The following CYP39A1 variants were observed in gnomAD, a reference collection of about 807,000 sequenced individuals.
CYP39A1 encodes cytochrome P450 family 39 subfamily A member 1.
Under a neutral mutation model 58.1 loss-of-function variants are expected in CYP39A1, and 49 were observed. That is an observed-to-expected ratio of 0.84 (90% CI 0.67 to 1.07). CYP39A1 has a LOEUF of 1.07. Ranked by LOEUF, CYP39A1 falls within the 50% of genes least tolerant of loss-of-function variation. The pLI is 0.00. For missense variants in CYP39A1, 531 were observed against 539.4 expected, an observed-to-expected ratio of 0.98 and a Z score of 0.16; for synonymous variants, 209 against 187.6, an observed-to-expected ratio of 1.11 and a Z score of -0.93.
chr6:46,557,324 C>A (rs1770711444), intron 10 of CYP39A1, among the ~76,000 whole-genome samples: 1 of 151,054 alleles, frequency 6.6e-6, no homozygotes, highest in Admixed American at 6.6e-5. Flanking sequence ...CAGATCAAGA[C>A]CCCCAAGCAG....
intron 10 of CYP39A1, among the ~76,000 whole-genome samples, chr6:46,567,717 T>A (rs1345125192): frequency 1.3e-5 from 2 of 152,120 alleles, no homozygotes; most frequent in Non-Finnish European, 2.9e-5. Flanking sequence ...AGAGGTTTTG[T>A]TTGGAATATA....
intron 10 of CYP39A1, chr6:46,583,036 C>T: frequency 2.0e-6 from 2 of 984,150 alleles, no homozygotes; most frequent in Non-Finnish European, 1.2e-6. Flanking sequence ...ATTAGGAACT[C>T]AAGACAAGCC....
intron 7 of CYP39A1, among the ~76,000 whole-genome samples, chr6:46,601,264 CCA>C (rs1773480330): frequency 6.6e-6 from 1 of 152,154 alleles, no homozygotes; most frequent in Admixed American, 6.5e-5. Flanking sequence ...TCCATTGCTA[CCA>C]CTCTTGTCCA....
chr6:46,626,920 T>C (rs1245195764), intron 6 of CYP39A1, among the ~76,000 whole-genome samples: 1 of 152,184 alleles, frequency 6.6e-6, no homozygotes, highest in Non-Finnish European at 1.5e-5. Flanking sequence ...TATTAGTCTG[T>C]TTTCACACTT....
chr6:46,563,905 G>A (rs1444850028), intron 10 of CYP39A1, among the ~76,000 whole-genome samples: 1 of 152,030 alleles, frequency 6.6e-6, no homozygotes, highest in Non-Finnish European at 1.5e-5. Context: ...AGGCTAATGA[G>A]TTTGGTCAGC....
rs552761160 is a variant in CYP39A1, at chr6:46,558,457, A to T, written c.1251-4603T>A. On this transcript the variant is annotated intron_variant, in intron 10 of 11. Transcript: ENST00000275016. ...CATCATATCTCGTGAGAACTCATTC[A>T]CTATCACGAACATCAAGGGGGAAGT... Among the ~76,000 whole-genome samples the T allele has an allele frequency of 5.8e-4, 89 of 152,204 alleles. 1 individual carries two copies. The South Asian group carries it at 0.018, about 30-fold the overall frequency.
At chr6:46,591,023 G>T (rs527273413) in intron 8 of CYP39A1, among the ~76,000 whole-genome samples, 1 of 152,194 alleles carries the variant, frequency 6.6e-6, no homozygotes, top group South Asian at 2.1e-4. Context: ...CAGATGTTCA[G>T]ATGACACAGG....
In CYP39A1 at chr6:46,588,138, G is replaced by C. The variant is rs200551115; in HGVS notation, c.1066-9C>G. Reference sequence around the variant, plus strand: ...GAAGGAATGATGTAATTCTATAACAGAAAAATCAGCTGCAAATCATTTTTT... The same window carrying C: ...GAAGGAATGATGTAATTCTATAACACAAAAATCAGCTGCAAATCATTTTTT... On this transcript the variant is annotated splice_polypyrimidine_tract_variant and intron_variant, in intron 8 of 11. Transcript: ENST00000275016. The C allele has an allele frequency of 2.8e-5, 43 of 1,527,772 alleles. No individual in the cohort carries two copies. In the African/African-American group the frequency reaches 5.5e-4, roughly 20 times the overall value. 94.6% of individuals were successfully genotyped at this position (1,527,772 alleles called of 1,614,324 possible). A position where few individuals can be genotyped will look rare whatever the true frequency, so the allele number is the denominator to read the frequency against.
At chr6:46,618,728 G>A (rs929269523) in intron 7 of CYP39A1, among the ~76,000 whole-genome samples, 3 of 151,664 alleles carry the variant, frequency 2.0e-5, no homozygotes, top group African/African-American at 7.3e-5. Context: ...GATTTGTGTG[G>A]GTGTGTAAAT....
intron 10 of CYP39A1, among the ~76,000 whole-genome samples, chr6:46,565,988 C>T (rs9349367): frequency 0.2 from 30,422 of 152,110 alleles, 3,161 homozygotes; most frequent in African/African-American, 0.21. Context: ...CCTCTATGCA[C>T]ATCTGACAGC....
At position 46,566,849 on chromosome 6, in the gene CYP39A1, T is replaced by TATAC. The variant is rs1771316851; in HGVS notation, c.1251-12996_1251-12995insGTAT. On this transcript the variant is annotated intron_variant, in intron 10 of 11. Coordinates refer to ENST00000275016, the MANE Select transcript of CYP39A1 (RefSeq NM_016593.5). The stretch of plus-strand genomic sequence containing the variant: ...AATGAGATGATTATATATATATATA[T>TATAC]ACACACACATACATATATGCACACA... Among the ~76,000 whole-genome samples, 8 of 145,340 alleles carry TATAC rather than the reference T, an allele frequency of 5.5e-5. No individual in the cohort carries two copies. In the South Asian group the frequency reaches 1.5e-3, roughly 28 times the overall value.
chr6:46,644,494 C>A (rs978989388), intron 1 of CYP39A1, among the ~76,000 whole-genome samples: 1 of 151,942 alleles, frequency 6.6e-6, no homozygotes, highest in Non-Finnish European at 1.5e-5. Flanking sequence ...GCACTCTGGG[C>A]AGGGCAACAC....
rs956709362 is a variant in CYP39A1, at chr6:46,625,630, C to A, written c.841-122G>T. The A allele has an allele frequency of 3.7e-6, 2 of 546,616 alleles. No homozygotes were observed. Among genetic ancestry groups the A allele is most frequent in the Non-Finnish European group, 6.1e-6 (2 of 330,080 alleles). 33.9% of individuals were successfully genotyped at this position (546,616 alleles called of 1,614,324 possible). The stretch of plus-strand genomic sequence containing the variant: ...GATGTTTAAATTAACCTTAAGAGCA[C>A]ATTAGTAGAAAGCATATTTTGAAAA... On this transcript the variant is annotated intron_variant, in intron 6 of 11. Transcript: ENST00000275016.
At chr6:46,598,899 T>A (rs920709582) in intron 7 of CYP39A1, among the ~76,000 whole-genome samples, 1 of 152,148 alleles carries the variant, frequency 6.6e-6, no homozygotes, top group African/African-American at 2.4e-5. Flanking sequence ...CAGTACAAGG[T>A]GGTGCTGATT....
At chr6:46,637,419 G>A (rs1268628790) in intron 4 of CYP39A1, among the ~76,000 whole-genome samples, 1 of 152,186 alleles carries the variant, frequency 6.6e-6, no homozygotes, top group African/African-American at 2.4e-5. Context: ...ACATTTGTCT[G>A]AACCAACTGT....
intron 7 of CYP39A1, among the ~76,000 whole-genome samples, chr6:46,609,876 T>C (rs1774109661): frequency 6.6e-6 from 1 of 152,244 alleles, no homozygotes; most frequent in Non-Finnish European, 1.5e-5. Flanking sequence ...ATTGCACACG[T>C]TTATTATTAT....
intron 2 of CYP39A1, 115 bp downstream of exon 2, chr6:46,642,048 A>G: frequency 8.6e-7 from 1 of 1,164,618 alleles, no homozygotes; most frequent in Non-Finnish European, 1.3e-6. Context: ...CCTCAAGAAT[A>G]AAATAATGGA....
chr6:46,616,059 TTC>T (rs1234943456), intron 7 of CYP39A1, among the ~76,000 whole-genome samples: 3 of 130,054 alleles, frequency 2.3e-5, no homozygotes, highest in African/African-American at 5.5e-5. Flanking sequence ...TTCTTTTCTT[TTC>T]TCTCTCTTTC....
Position 46,652,717 on chromosome 6 carries a change from C to A in CYP39A1, c.-135G>T. Reference sequence around the variant, plus strand: ...CAACTTTTGCAGCTCTCCTTCGTAACTGTAGCTTCCTTCCTCTGTCCCAGT... The same window carrying A: ...CAACTTTTGCAGCTCTCCTTCGTAAATGTAGCTTCCTTCCTCTGTCCCAGT... On this transcript the variant is annotated 5_prime_UTR_variant, in exon 1 of 12. Coordinates refer to ENST00000275016, the MANE Select transcript of CYP39A1 (RefSeq NM_016593.5). 1.4e-6 allele frequency: 1 copy of A among 738,462 alleles called. No homozygotes were observed. The highest frequency in any genetic ancestry group is 2.1e-5 in the South Asian group (1 of 46,854). The allele number at this position is 738,462 out of a possible 1,614,324, so 45.7% of individuals were successfully genotyped here.
Sources: allele counts gnomAD v4.1 joint callset (sites outside exome capture counted in the v4.1 genomes callset), GRCh38; gene constraint gnomAD v4.1.1; transcripts MANE v1.5; gene names NCBI Gene and HGNC (gene_info 2026-07-23, HGNC 2026-07-21).